The following FAM135B variants were observed in gnomAD, a reference collection of about 807,000 sequenced individuals.
FAM135B encodes protein FAM135B.
In FAM135B, 43 loss-of-function variants were observed where a neutral mutation model predicts 127.7. That is an observed-to-expected ratio of 0.34 (90% CI 0.26 to 0.43). FAM135B has a LOEUF of 0.43. Ranked by LOEUF, FAM135B falls within the 20% of genes least tolerant of loss-of-function variation. The pLI is 1.00. For missense variants in FAM135B, 1,558 were observed against 1,725.6 expected, an observed-to-expected ratio of 0.90 and a Z score of 1.72; for synonymous variants, 670 against 665.1, an observed-to-expected ratio of 1.01 and a Z score of -0.11.
rs368303960 is a variant in FAM135B at position 138,256,641 on chromosome 8, G to A, written c.368+48C>T. 1.6e-5 allele frequency: 24 copies of A among 1,482,952 alleles called. No homozygotes were observed. In the African/African-American group the frequency reaches 1.8e-4, roughly 11 times the overall value. The allele number at this position is 1,482,952 out of a possible 1,614,324, so 91.9% of individuals were successfully genotyped here. A position where few individuals can be genotyped will look rare whatever the true frequency, so the allele number is the denominator to read the frequency against. The stretch of plus-strand genomic sequence containing the variant: ...GCTATCCCAAGAGTGGGGAAGCGGG[G>A]AGGAGAGCACTGTGCTACTACAATT... On this transcript the variant is annotated intron_variant, in intron 5 of 19. Coordinates refer to ENST00000395297, the MANE Select transcript of FAM135B (RefSeq NM_015912.4).
At position 138,195,707 on chromosome 8, in the gene FAM135B, G is replaced by A. The variant is rs562880988; in HGVS notation, c.824-400C>T. On this transcript the variant is annotated intron_variant, in intron 8 of 19. Coordinates refer to ENST00000395297, the MANE Select transcript of FAM135B (RefSeq NM_015912.4). ...ATCTGTGCATCATATATGGAAGATG[G>A]ATTTGAATCTCTATCTTACAGATAA... Among the ~76,000 whole-genome samples, 34 of 152,192 alleles carry A rather than the reference G, an allele frequency of 2.2e-4. No individual in the cohort carries two copies. In the Middle Eastern group the frequency reaches 0.01, roughly 46 times the overall value.
At chr8:138,329,380 GC>G in intron 2 of FAM135B, among the ~76,000 whole-genome samples, 1 of 152,086 alleles carries the variant, frequency 6.6e-6, no homozygotes, top group African/African-American at 2.4e-5. Flanking sequence ...TCTCTTAATT[GC>G]TTTTTGATAT....
At chr8:138,485,558 C>A (rs2131687364) in intron 1 of FAM135B, among the ~76,000 whole-genome samples, 1 of 152,252 alleles carries the variant, frequency 6.6e-6, no homozygotes, top group Non-Finnish European at 1.5e-5. Context: ...TTAAAAATTC[C>A]TCATAGGTTG....
At chr8:138,156,072 A>C (rs1236139669) in intron 12 of FAM135B, among the ~76,000 whole-genome samples, 1 of 152,236 alleles carries the variant, frequency 6.6e-6, no homozygotes, top group Non-Finnish European at 1.5e-5. Flanking sequence ...CAAATGTAAA[A>C]GAACAGAAAT....
intron 9 of FAM135B, among the ~76,000 whole-genome samples, chr8:138,190,991 C>A (rs186294143): frequency 2.1e-3 from 321 of 152,328 alleles, no homozygotes; most frequent in South Asian, 3.9e-3. Flanking sequence ...ATAGCCTGAC[C>A]ACCTTGGGCA....
At chr8:138,157,497 A>G (rs1264386327) in intron 12 of FAM135B, among the ~76,000 whole-genome samples, 1 of 152,166 alleles carries the variant, frequency 6.6e-6, no homozygotes, top group Non-Finnish European at 1.5e-5. Flanking sequence ...GGAAAAGAGG[A>G]AGTCAAATTG....
chr8:138,378,585 C>G (rs773169051), intron 1 of FAM135B, among the ~76,000 whole-genome samples: 1 of 152,190 alleles, frequency 6.6e-6, no homozygotes, highest in Non-Finnish European at 1.5e-5. Context: ...CAGGGCCTCC[C>G]TGCTGATTAG....
chr8:138,199,186 A>G (rs951821342), intron 7 of FAM135B, among the ~76,000 whole-genome samples: 12 of 152,126 alleles, frequency 7.9e-5, no homozygotes, highest in African/African-American at 2.9e-4. Flanking sequence ...CTGCACTCCC[A>G]AGGGTGTTGT....
chr8:138,156,176 C>T (rs1282066881), intron 12 of FAM135B, among the ~76,000 whole-genome samples: 2 of 152,162 alleles, frequency 1.3e-5, no homozygotes, highest in Non-Finnish European at 2.9e-5. Context: ...GGAAACTGAA[C>T]AACCTGCTCC....
intron 1 of FAM135B, among the ~76,000 whole-genome samples, chr8:138,457,821 C>A (rs1836879375): frequency 1.3e-5 from 2 of 151,896 alleles, no homozygotes; most frequent in Admixed American, 6.6e-5. Context: ...AAAACACACA[C>A]AAAAAATTAG....
At chr8:138,379,379 A>AT (rs112273669) in intron 1 of FAM135B, among the ~76,000 whole-genome samples, 325 of 151,422 alleles carry the variant, frequency 2.1e-3, no homozygotes, top group African/African-American at 7.1e-3. Context: ...ATAAATGTAT[A>AT]TTTTTTTTTA....
chr8:138,455,895 A>G (rs761645178), intron 1 of FAM135B, among the ~76,000 whole-genome samples: 1 of 150,810 alleles, frequency 6.6e-6, no homozygotes, highest in Admixed American at 6.6e-5. Flanking sequence ...GGTTATGTGC[A>G]CAAGTTCTGA....
intron 1 of FAM135B, among the ~76,000 whole-genome samples, chr8:138,417,039 C>G (rs1312076818): frequency 1.3e-5 from 2 of 152,196 alleles, no homozygotes; most frequent in Admixed American, 1.3e-4. Context: ...ATGGCAGAGA[C>G]AGAACTCCAG....
chr8:138,225,491 A>G (rs1303285128), intron 7 of FAM135B, among the ~76,000 whole-genome samples: 3 of 151,992 alleles, frequency 2.0e-5, no homozygotes, highest in African/African-American at 7.2e-5. Context: ...AACAAAAACA[A>G]AGAAGAAAAA....
intron 7 of FAM135B, among the ~76,000 whole-genome samples, chr8:138,206,141 A>C: frequency 7.3e-6 from 1 of 137,080 alleles, no homozygotes; most frequent in East Asian, 2.2e-4. Context: ...CAGCACCTCC[A>C]CCCACGCACA....
chr8:138,365,338 T>A (rs1157113862), intron 2 of FAM135B, among the ~76,000 whole-genome samples: 2 of 152,186 alleles, frequency 1.3e-5, no homozygotes, highest in African/African-American at 4.8e-5. Context: ...TTTATCCTCA[T>A]TTTTCAAGCT....
At chr8:138,167,576 T>A (rs1033971809) in intron 12 of FAM135B, among the ~76,000 whole-genome samples, 1 of 152,230 alleles carries the variant, frequency 6.6e-6, no homozygotes, top group African/African-American at 2.4e-5. Context: ...AATCTTCATC[T>A]GACTTTCATG....
chr8:138,403,618 A>G (rs1833278858), intron 1 of FAM135B, among the ~76,000 whole-genome samples: 1 of 152,232 alleles, frequency 6.6e-6, no homozygotes, highest in South Asian at 2.1e-4. Flanking sequence ...GAAGGTTGAC[A>G]AGGCATCCCA....
At chr8:138,212,220 G>A (rs1237510982) in intron 7 of FAM135B, among the ~76,000 whole-genome samples, 2 of 152,186 alleles carry the variant, frequency 1.3e-5, no homozygotes, top group East Asian at 1.9e-4. Flanking sequence ...TGTGCTAAGA[G>A]TACATAGAAG....
Sources: allele counts gnomAD v4.1 joint callset (sites outside exome capture counted in the v4.1 genomes callset), GRCh38; gene constraint gnomAD v4.1.1; transcripts MANE v1.5; gene names NCBI Gene and HGNC (gene_info 2026-07-23, HGNC 2026-07-21).